The following SPATA20 variants were observed in gnomAD, a reference collection of about 807,000 sequenced individuals.
SPATA20 encodes spermatogenesis-associated protein 20.
SPATA20 carries 74 observed loss-of-function variants against 98.9 expected under a neutral mutation model. The ratio of observed to expected loss-of-function variants is 0.75; its 90% CI spans 0.62 to 0.91. The LOEUF (loss-of-function observed/expected upper bound fraction) is 0.91. SPATA20 is among the 40% of genes least tolerant of loss of function. The pLI is 0.00. For missense variants in SPATA20, 1,016 were observed against 1,069.8 expected (o/e 0.95, Z 0.70); for synonymous variants, 430 against 440.5 (o/e 0.98, Z 0.30).
In SPATA20 at chr17:50,552,150, G is replaced by T; in HGVS notation, c.1927G>T (p.Gly643Trp). The T allele has an allele frequency of 6.2e-7, 1 of 1,613,768 alleles. No homozygotes were observed. Among genetic ancestry groups the T allele is most frequent in the Non-Finnish European group, 8.5e-7 (1 of 1,180,016 alleles). Residue 643 changes from glycine to tryptophan, a missense_variant, in exon 14 of 17, where the codon GGG becomes TGG. Coordinates refer to ENST00000006658, the MANE Select transcript of SPATA20 (RefSeq NM_022827.4). ...GGYFCSEAEL[G>W]AGLPLRLKDD... ...CTACTTCTGCAGTGAGGCTGAGCTG[G>T]GGGCTGGCCTGCCCCTGCGTCTGAA... is the stretch of plus-strand genomic sequence containing the variant.
At position 50,550,598 on chromosome 17, in the gene SPATA20, C is replaced by G; in HGVS notation, c.1161C>G (p.Ser387Arg). 6.2e-7 allele frequency: 1 copy of G among 1,614,002 alleles called. No homozygotes were observed. Among genetic ancestry groups the G allele is most frequent in the Non-Finnish European group, 8.5e-7 (1 of 1,179,932 alleles). ...GCATCCTGCAGTACGTGGCTCGGAG[C>G]CTGAGCCACCGGGTGTGTGTCCATG... Reference protein sequence around the residue: ...AKGILQYVARSLSHRSGGFYS... With the variant: ...AKGILQYVARRLSHRSGGFYS... The change falls in exon 10 of 17, where the codon AGC becomes AGG. Residue 387 changes from serine (S) to arginine (R), a missense_variant. Ser to Arg is a moderately radical substitution (Grantham distance 110). Transcript: ENST00000006658.
rs753289267 is a variant in SPATA20 at position 50,548,879 on chromosome 17, G to A, written c.431G>A (p.Arg144His). ...TCCTTCCAGAATGAGGAGATTGGCC[G>A]CCTGCTCAGTGAGGACTTTGTGAGT... ...EESFQNEEIG[R>H]LLSEDFVSVK... Residue 144 changes from arginine to histidine, a missense_variant, in exon 5 of 17, where the codon CGC (arginine) becomes CAC (histidine). By Grantham distance (29) the Arg-to-His change is conservative (BLOSUM62 0). Transcript: ENST00000006658. 1.1e-5 allele frequency: 18 copies of A among 1,614,154 alleles called. No individual in the cohort carries two copies. Among genetic ancestry groups the A allele is most frequent in the South Asian group, 3.3e-5 (3 of 91,086 alleles).
In SPATA20 at chr17:50,548,767, A is replaced by T. The variant is rs1208664477; in HGVS notation, c.362-43A>T. 3 of 1,597,860 alleles carry T rather than the reference A, an allele frequency of 1.9e-6. No homozygotes were observed. The South Asian group carries it at 3.4e-5, about 18-fold the overall frequency. On this transcript the variant is annotated intron_variant, in intron 4 of 16. Coordinates refer to ENST00000006658, the MANE Select transcript of SPATA20 (RefSeq NM_022827.4). Reference sequence around the variant, plus strand: ...GGGCCACTTGGCCAGCCTCCCTCTGACCCGTTGCTGGCCCCCTGACCTCTC... The same window carrying T: ...GGGCCACTTGGCCAGCCTCCCTCTGTCCCGTTGCTGGCCCCCTGACCTCTC...
At position 50,550,814 on chromosome 17, in the gene SPATA20, T is replaced by G. The variant is rs1304351651; in HGVS notation, c.1280T>G (p.Leu427Arg). The G allele has an allele frequency of 6.2e-7, 1 of 1,612,976 alleles. No individual in the cohort carries two copies. The change falls in exon 11 of 17, where the codon CTC (leucine) becomes CGC (arginine). Residue 427 changes from leucine (L) to arginine (R), a missense_variant. Transcript: ENST00000006658. ...YVWTVKEVQQ[L>R]LPEPVLGATE... ...TGGACGGTCAAAGAGGTTCAGCAGCTCCTCCCGGAGCCTGTGTTGGGTGCC... is the reference window on the plus strand; with the variant it reads ...TGGACGGTCAAAGAGGTTCAGCAGCGCCTCCCGGAGCCTGTGTTGGGTGCC...
In SPATA20 at chr17:50,551,235, T is replaced by C. The variant is rs552137030; in HGVS notation, c.1576+45T>C. ...ACCGAGCCTGTCTGTAGGATCCCCC[T>C]TCACAAAGCCCCTGTCTTTCCGGCA... On this transcript the variant is annotated intron_variant, in intron 12 of 16. Coordinates refer to ENST00000006658, the MANE Select transcript of SPATA20 (RefSeq NM_022827.4). 12 of 1,527,594 alleles carry C rather than the reference T, an allele frequency of 7.9e-6. No individual in the cohort carries two copies. The South Asian group carries it at 1.3e-4, about 17-fold the overall frequency. The allele number at this position is 1,527,594 out of a possible 1,614,324, so 94.6% of individuals were successfully genotyped here.
chr17:50,549,255 T>C (rs1470388195), intron 6 of SPATA20, 31 bp from the exon 7 acceptor site: 1 of 1,603,250 alleles, frequency 6.2e-7, no homozygotes, highest in Non-Finnish European at 8.5e-7. Flanking sequence ...TCCCCCTAGC[T>C]GACCTCCAGG....
Position 50,548,597 on chromosome 17 carries a change from A to C in SPATA20, c.340A>C (p.Asn114His). ...AGCCTTCGACAAGGCCAGGAAGGAA[A>C]ACAAGCCGATTTTCCTCTCAGGTAA... ...QEAFDKARKENKPIFLSVGYS... is the reference protein window; with the variant it reads ...QEAFDKARKEHKPIFLSVGYS... The change falls in exon 4 of 17, where the codon AAC becomes CAC. Residue 114 changes from asparagine (N) to histidine (H), a missense_variant. Physicochemically the swap from Asn to His is moderately conservative, Grantham distance 68. Transcript: ENST00000006658. 1.2e-6 allele frequency: 2 copies of C among 1,613,562 alleles called. No individual in the cohort carries two copies. The highest frequency in any genetic ancestry group is 1.7e-6 in the Non-Finnish European group (2 of 1,179,874).
chr17:50,552,135 A>G lies in SPATA20; in HGVS notation c.1912A>G (p.Ser638Gly). Reference sequence around the variant, plus strand: ...CTCCCAGGGTGGCGGCTACTTCTGCAGTGAGGCTGAGCTGGGGGCTGGCCT... The same window carrying G: ...CTCCCAGGGTGGCGGCTACTTCTGCGGTGAGGCTGAGCTGGGGGCTGGCCT... ...WDSQGGGYFCSEAELGAGLPL... is the reference protein window; with the variant it reads ...WDSQGGGYFCGEAELGAGLPL... The change falls in exon 14 of 17, where the codon AGT (serine) becomes GGT (glycine). Residue 638 changes from serine to glycine, a missense_variant. Coordinates refer to ENST00000006658, the MANE Select transcript of SPATA20 (RefSeq NM_022827.4). 6.2e-7 allele frequency: 1 copy of G among 1,613,766 alleles called. No homozygotes were observed. Among genetic ancestry groups the G allele is most frequent in the Non-Finnish European group, 8.5e-7 (1 of 1,180,010 alleles).
chr17:50,553,983 G>A (rs1161912667), intron 14 of SPATA20, among the ~76,000 whole-genome samples: 1 of 152,194 alleles, frequency 6.6e-6, no homozygotes, highest in African/African-American at 2.4e-5. Context: ...GCAGCTGAGT[G>A]GCTGGACAGA....
Position 50,552,004 on chromosome 17 carries a change from C to A in SPATA20, c.1781C>A (p.Ala594Asp), listed in dbSNP as rs1301698983. 1 of 1,611,902 alleles carries A rather than the reference C, an allele frequency of 6.2e-7. No individual in the cohort carries two copies. The highest frequency in any genetic ancestry group is 1.7e-4 in the Middle Eastern group (1 of 6,048). Residue 594 changes from alanine to aspartate, a missense_variant, in exon 14 of 17, where the codon GCC (alanine) becomes GAC (aspartate). Transcript: ENST00000006658. ...TGCTGGGGCTTCCTGGAGGACTACG[C>A]CTTCGTGGTGCGGGGCCTGCTGGAC... ...PPCWGFLEDY[A>D]FVVRGLLDLY...
rs762244037 is a variant in SPATA20, at chr17:50,550,828, G to C, written c.1294G>C (p.Val432Leu). 6.2e-7 allele frequency: 1 copy of C among 1,613,024 alleles called. No individual in the cohort carries two copies. The highest frequency in any genetic ancestry group is 8.5e-7 in the Non-Finnish European group (1 of 1,180,036). ...GGTTCAGCAGCTCCTCCCGGAGCCT[G>C]TGTTGGGTGCCACCGAGCCGCTGAC... The part of the protein sequence containing the change: ...KEVQQLLPEP[V>L]LGATEPLTSG... Residue 432 changes from valine (V) to leucine (L), a missense_variant, in exon 11 of 17, where the codon GTG becomes CTG. Coordinates refer to ENST00000006658, the MANE Select transcript of SPATA20 (RefSeq NM_022827.4).
chr17:50,549,340 C>G lies in SPATA20; in HGVS notation c.715C>G (p.Leu239Val), dbSNP rs779459894. 6 of 1,612,550 alleles carry G rather than the reference C, an allele frequency of 3.7e-6. No homozygotes were observed. The East Asian group carries it at 1.1e-4, about 30-fold the overall frequency. ...LENSQRVTTA[L>V]LARSEISVGD... ...AAATAGCCAGCGTGTCACCACTGCC[C>G]TGCTGGCCCGATCAGAGATCAGCGT... Residue 239 changes from leucine (L) to valine (V), a missense_variant, in exon 7 of 17, where the codon CTG (leucine) becomes GTG (valine). Coordinates refer to ENST00000006658, the MANE Select transcript of SPATA20 (RefSeq NM_022827.4).
Position 50,548,959 on chromosome 17 carries a change from G to C in SPATA20, c.511G>C (p.Val171Leu), listed in dbSNP as rs764638265. ...PDVDKVYMTF[V>L]QATSSGGGWP... The stretch of plus-strand genomic sequence containing the variant: ...CGTGGACAAGGTGTACATGACGTTC[G>C]TGCAGGTGAGCAGCCCTCCTCGGGA... The change falls in exon 5 of 17, where the codon GTG (valine) becomes CTG (leucine). Residue 171 changes from valine (V) to leucine (L), a missense_variant. By Grantham distance (32) the Val-to-Leu change is conservative. Coordinates refer to ENST00000006658, the MANE Select transcript of SPATA20 (RefSeq NM_022827.4). The C allele has an allele frequency of 1.2e-6, 2 of 1,614,024 alleles. No homozygotes were observed. Among genetic ancestry groups the C allele is most frequent in the Non-Finnish European group, 1.7e-6 (2 of 1,180,026 alleles).
Position 50,550,542 on chromosome 17 carries a change from G to A in SPATA20, c.1105G>A (p.Gly369Ser). The change falls in exon 10 of 17, where the codon GGT becomes AGT. Residue 369 changes from glycine to serine, a missense_variant. Physicochemically the swap from Gly to Ser is moderately conservative, Grantham distance 56. Transcript: ENST00000006658. ...CCTTTCTTCCCTTTCTTAGCTCTCT[G>A]GTGATGAATTCTACTCTGACGTGGC... ...VAYSQAFQLS[G>S]DEFYSDVAKG... is the part of the protein sequence containing the mutation. 6.2e-7 allele frequency: 1 copy of A among 1,613,986 alleles called. No homozygotes were observed. The highest frequency in any genetic ancestry group is 1.1e-5 in the South Asian group (1 of 91,070).
chr17:50,551,382 G>C (rs2035013333), intron 12 of SPATA20, 129 bp from the exon 13 acceptor site: 9 of 1,294,600 alleles, frequency 7.0e-6, no homozygotes, highest in Middle Eastern at 2.2e-4. Flanking sequence ...GCCATGTCTG[G>C]CTTTGGAGCC....
intron 14 of SPATA20, 59 bp from the exon 15 acceptor site, chr17:50,554,192 G>T (rs964257160): frequency 6.5e-5 from 99 of 1,523,536 alleles, no homozygotes; most frequent in Middle Eastern, 5.1e-4. Flanking sequence ...TCCTGGGCAG[G>T]GTCCTGGGAC....
At position 50,549,158 on chromosome 17, in the gene SPATA20, G is replaced by C. The variant is rs757229349; in HGVS notation, c.632G>C (p.Arg211Pro). The C allele has an allele frequency of 6.2e-7, 1 of 1,605,586 alleles. No individual in the cohort carries two copies. Among genetic ancestry groups the C allele is most frequent in the African/African-American group, 1.3e-5 (1 of 74,848 alleles). The part of the protein sequence containing the change: ...PEDGLTRVGF[R>P]TVLLRIREQW... ...GATGGCTTGACCCGAGTCGGCTTCC[G>C]CACAGTGTTGCTGAGAATACGAGAA... The change falls in exon 6 of 17, where the codon CGC becomes CCC. Residue 211 changes from arginine (R) to proline (P), a missense_variant. Physicochemically the swap from Arg to Pro is moderately radical, Grantham distance 103 (BLOSUM62 -2). Coordinates refer to ENST00000006658, the MANE Select transcript of SPATA20 (RefSeq NM_022827.4).
intron 15 of SPATA20, 74 bp downstream of exon 15, chr17:50,554,524 G>A: frequency 1.3e-6 from 2 of 1,487,422 alleles, no homozygotes; most frequent in Non-Finnish European, 1.9e-6. Context: ...GATGGGAACA[G>A]GGGGTGGGGT....
intron 5 of SPATA20, 38 bp from the exon 6 acceptor site, chr17:50,549,005 C>T: frequency 1.9e-6 from 3 of 1,613,980 alleles, no homozygotes; most frequent in Middle Eastern, 1.6e-4. Flanking sequence ...CACATGGGCT[C>T]AGAGCAGCTC....
Sources: allele counts gnomAD v4.1 joint callset (sites outside exome capture counted in the v4.1 genomes callset), GRCh38; gene constraint gnomAD v4.1.1; transcripts MANE v1.5; gene names NCBI Gene and HGNC (gene_info 2026-07-23, HGNC 2026-07-21).